The following SLC5A1 variants were observed in gnomAD, a reference collection of about 807,000 sequenced individuals.
SLC5A1 encodes sodium/glucose cotransporter 1.
Under a neutral mutation model 73.5 loss-of-function variants are expected in SLC5A1, and 42 were observed. The observed-to-expected ratio is 0.57, with a 90% CI of 0.45 to 0.74. The LOEUF is 0.74. Among genes scored for constraint, SLC5A1 ranks in the 30% least tolerant of loss-of-function variants. The pLI, the probability that SLC5A1 is intolerant of heterozygous loss-of-function variation, is 0.00. For missense variants in SLC5A1, 634 were observed against 855.4 expected (o/e 0.74, Z 3.23); for synonymous variants, 300 against 317.4 (o/e 0.95, Z 0.58).
At chr22:32,061,123 A>C (rs1431710821) in intron 2 of SLC5A1, among the ~76,000 whole-genome samples, 1 of 152,162 alleles carries the variant, frequency 6.6e-6, no homozygotes, top group African/African-American at 2.4e-5. Context: ...TCTGACTTCT[A>C]ACATTAATTG....
At chr22:32,067,917 A>G in intron 3 of SLC5A1, 50 bp from the exon 4 acceptor site, 1 of 1,598,670 alleles carries the variant, frequency 6.3e-7, no homozygotes, top group Non-Finnish European at 8.6e-7. Flanking sequence ...GGTGGCAGGG[A>G]TGGGCTAAGT....
At position 32,089,758 on chromosome 22, in the gene SLC5A1, T is replaced by C. The variant is rs189767332; in HGVS notation, c.1130-1854T>C. Among the ~76,000 whole-genome samples the C allele has an allele frequency of 1.6e-3, 242 of 152,290 alleles. 1 individual carries two copies. Among genetic ancestry groups the C allele is most frequent in the African/African-American group, 5.7e-3 (235 of 41,552 alleles). ...AGAGGAATGTTGTGGAAGGGATTCA[T>C]GTATCAGATGGATGATAGGTCTAGG... On this transcript the variant is annotated intron_variant, in intron 10 of 14. Coordinates refer to ENST00000266088, the MANE Select transcript of SLC5A1 (RefSeq NM_000343.4).
chr22:32,066,145 A>G (rs957191641), intron 2 of SLC5A1, among the ~76,000 whole-genome samples: 3 of 152,144 alleles, frequency 2.0e-5, no homozygotes, highest in Non-Finnish European at 4.4e-5. Context: ...TCTACCATTC[A>G]CAGTCTTATT....
At chr22:32,103,396 C>T (rs1450185796) in intron 13 of SLC5A1, among the ~76,000 whole-genome samples, 1 of 152,222 alleles carries the variant, frequency 6.6e-6, no homozygotes, top group Non-Finnish European at 1.5e-5. Flanking sequence ...CATGACTTGC[C>T]ATTGGTTTCA....
At chr22:32,069,814 A>G (rs2093979886) in intron 5 of SLC5A1, among the ~76,000 whole-genome samples, 1 of 152,198 alleles carries the variant, frequency 6.6e-6, no homozygotes, top group African/African-American at 2.4e-5. Flanking sequence ...AGCCAGTGCC[A>G]ACTCTGGAAG....
At position 32,084,913 on chromosome 22, in the gene SLC5A1, G is replaced by GCTGCCT; in HGVS notation, c.902_907dup (p.Cys301_Leu302dup). ...TTTTTCTGGCAGGTCATTGTGCAGC[G>GCTGCCT]CTGCCTCTCAGCCAAGAATATGTCT... is the stretch of plus-strand genomic sequence containing the variant. On this transcript the variant is annotated inframe_insertion, in exon 9 of 15. Transcript: ENST00000266088. 1 of 1,614,152 alleles carries GCTGCCT rather than the reference G, an allele frequency of 6.2e-7. No homozygotes were observed. Among genetic ancestry groups the GCTGCCT allele is most frequent in the Non-Finnish European group, 8.5e-7 (1 of 1,180,028 alleles).
chr22:32,050,263 T>C (rs920203375), intron 2 of SLC5A1, among the ~76,000 whole-genome samples: 1 of 152,200 alleles, frequency 6.6e-6, no homozygotes, highest in Non-Finnish European at 1.5e-5. Flanking sequence ...AAGCCTATCA[T>C]TGGTCCATAA....
At chr22:32,051,709 A>G (rs1011908695) in intron 2 of SLC5A1, among the ~76,000 whole-genome samples, 4 of 152,126 alleles carry the variant, frequency 2.6e-5, no homozygotes, top group Non-Finnish European at 4.4e-5. Flanking sequence ...CAACAACAAA[A>G]ATCCCAAACC....
chr22:32,082,964 G>A, intron 6 of SLC5A1, 110 bp from the exon 7 acceptor site: 1 of 890,672 alleles, frequency 1.1e-6, no homozygotes, highest in Non-Finnish European at 1.8e-6. Flanking sequence ...ACCACTGTGG[G>A]GATGTTCTCA....
At chr22:32,056,258 C>T (rs985919835) in intron 2 of SLC5A1, among the ~76,000 whole-genome samples, 7 of 152,072 alleles carry the variant, frequency 4.6e-5, no homozygotes, top group Non-Finnish European at 8.8e-5. Flanking sequence ...CGAGCTCAAG[C>T]AGTCTTCCCC....
At chr22:32,106,371 A>G (rs897870886) in intron 14 of SLC5A1, among the ~76,000 whole-genome samples, 2 of 152,252 alleles carry the variant, frequency 1.3e-5, no homozygotes, top group African/African-American at 2.4e-5. Context: ...TATTTTGAGA[A>G]ACGTCTATTA....
At chr22:32,090,508 T>C (rs1198268662) in intron 10 of SLC5A1, among the ~76,000 whole-genome samples, 1 of 152,204 alleles carries the variant, frequency 6.6e-6, no homozygotes, top group African/African-American at 2.4e-5. Flanking sequence ...ATGAATAATA[T>C]TCCATCACAT....
intron 2 of SLC5A1, among the ~76,000 whole-genome samples, chr22:32,060,114 T>C (rs1049064701): frequency 2.9e-5 from 4 of 138,418 alleles, no homozygotes; most frequent in African/African-American, 5.5e-5. Flanking sequence ...TACACACACA[T>C]ATATATACAT....
chr22:32,082,971 C>T (rs923676840), intron 6 of SLC5A1, 103 bp from the exon 7 acceptor site: 17 of 925,056 alleles, frequency 1.8e-5, no homozygotes, highest in Non-Finnish European at 2.8e-5. Context: ...TGGGGATGTT[C>T]TCAGAAGGCC....
chr22:32,068,349 C>T (rs1418088384), intron 4 of SLC5A1, 147 bp from the exon 5 acceptor site: 4 of 717,404 alleles, frequency 5.6e-6, no homozygotes, highest in Admixed American at 4.0e-5. Context: ...GCCATCTGGC[C>T]ACCTCGCAGA....
rs981412592 is a variant in SLC5A1, at chr22:32,110,822, G to A, written c.*609G>A. The A allele has an allele frequency of 6.4e-6, 1 of 156,480 alleles. No homozygotes were observed. Among genetic ancestry groups the A allele is most frequent in the African/African-American group, 2.4e-5 (1 of 41,432 alleles). The allele number at this position is 156,480 out of a possible 1,614,324, so 9.7% of individuals were successfully genotyped here. A position where few individuals can be genotyped will look rare whatever the true frequency, so the allele number is the denominator to read the frequency against. The stretch of plus-strand genomic sequence containing the variant: ...AGGAAGGTAGTACTTCCACAAAAGG[G>A]AGGGACCCGGGCCCCAGCCTCAAGC... On this transcript the variant is annotated 3_prime_UTR_variant, in exon 15 of 15. Coordinates refer to ENST00000266088, the MANE Select transcript of SLC5A1 (RefSeq NM_000343.4).
intron 2 of SLC5A1, among the ~76,000 whole-genome samples, chr22:32,063,794 T>C (rs1263627509): frequency 6.6e-6 from 1 of 152,106 alleles, no homozygotes; most frequent in Non-Finnish European, 1.5e-5. Context: ...GCCATAATAT[T>C]GTGAAGGCAG....
At chr22:32,062,204 G>T (rs964963417) in intron 2 of SLC5A1, among the ~76,000 whole-genome samples, 1 of 152,178 alleles carries the variant, frequency 6.6e-6, no homozygotes, top group African/African-American at 2.4e-5. Flanking sequence ...TATGCATTAA[G>T]AACTGACCAT....
intron 6 of SLC5A1, 114 bp downstream of exon 6, chr22:32,082,085 G>T (rs919860914): frequency 4.3e-5 from 33 of 768,466 alleles, no homozygotes; most frequent in Non-Finnish European, 7.0e-5. Flanking sequence ...ATACACTCAG[G>T]TAAGAGTTTG....
Sources: gnomAD v4.1 joint callset for allele counts (sites outside exome capture counted in the v4.1 genomes callset) on GRCh38, gnomAD v4.1.1 for gene constraint, MANE v1.5 for transcripts, NCBI Gene and HGNC (gene_info 2026-07-23, HGNC 2026-07-21) for gene names.